Variants in COBLL1 observed in about 807,000 individuals in gnomAD.
COBLL1 encodes the protein cordon-bleu WH2 repeat protein like 1.
In COBLL1, 50 loss-of-function variants were observed where a neutral mutation model predicts 94.8. That is an observed-to-expected ratio of 0.53 (90% CI 0.42 to 0.67). COBLL1 has a LOEUF of 0.67. COBLL1 is among the 30% of genes least tolerant of loss of function. COBLL1 has a pLI of 0.00. For missense variants in COBLL1, 1,362 were observed against 1,348.7 expected (o/e 1.01, Z -0.15); for synonymous variants, 448 against 473.8 (o/e 0.95, Z 0.71).
chr2:164,808,589 C>T (rs867989220), intron 2 of COBLL1, among the ~76,000 whole-genome samples: 1 of 152,104 alleles, frequency 6.6e-6, no homozygotes, highest in South Asian at 2.1e-4. Flanking sequence ...CTGTTAGTGT[C>T]TTTTAAGAAA....
intron 2 of COBLL1, among the ~76,000 whole-genome samples, chr2:164,750,946 T>C (rs1687095476): frequency 2.6e-5 from 4 of 152,180 alleles, no homozygotes; most frequent in African/African-American, 9.7e-5. Context: ...AGCGCCCCTC[T>C]TGTTACTCCC....
chr2:164,820,725 C>G (rs995567243), intron 2 of COBLL1, among the ~76,000 whole-genome samples: 1 of 152,186 alleles, frequency 6.6e-6, no homozygotes, highest in East Asian at 1.9e-4. Flanking sequence ...TGCATGATCA[C>G]ACCTTCTTCC....
intron 2 of COBLL1, among the ~76,000 whole-genome samples, chr2:164,757,638 T>C (rs1687477845): frequency 6.6e-6 from 1 of 151,942 alleles, no homozygotes; most frequent in South Asian, 2.1e-4. Context: ...TGGGAAAATA[T>C]AACTACAAAG....
At chr2:164,726,544 C>A (rs977979408) in intron 5 of COBLL1, among the ~76,000 whole-genome samples, 3 of 152,028 alleles carry the variant, frequency 2.0e-5, no homozygotes, top group Non-Finnish European at 4.4e-5. Flanking sequence ...AACCCTACCA[C>A]CCAAAGGTAA....
intron 2 of COBLL1, among the ~76,000 whole-genome samples, chr2:164,830,157 CTG>C (rs1231138942): frequency 6.6e-6 from 1 of 152,216 alleles, no homozygotes; most frequent in African/African-American, 2.4e-5. Flanking sequence ...GCTTCCTAAA[CTG>C]TACTTCTTGG....
At chr2:164,672,614 G>A (rs1691260370) in intron 1 of COBLL1, among the ~76,000 whole-genome samples, 1 of 150,540 alleles carries the variant, frequency 6.6e-6, no homozygotes, top group Admixed American at 6.6e-5. Flanking sequence ...CAGGAGAATG[G>A]CGTGAACCCG....
At chr2:164,774,160 T>C (rs1165715971) in intron 2 of COBLL1, among the ~76,000 whole-genome samples, 1 of 152,140 alleles carries the variant, frequency 6.6e-6, no homozygotes, top group Non-Finnish European at 1.5e-5. Flanking sequence ...TGTAGGATGA[T>C]AGTTTGAAGA....
At chr2:164,672,239 A>G (rs1691253112) in intron 1 of COBLL1, among the ~76,000 whole-genome samples, 1 of 152,188 alleles carries the variant, frequency 6.6e-6, no homozygotes, top group African/African-American at 2.4e-5. Context: ...TTTAAATGTG[A>G]CTTACTTGGC....
rs1207752278 is a variant in COBLL1 at position 164,681,502 on chromosome 2, C to G, written c.*4444G>C. The G allele has an allele frequency of 6.6e-6, 1 of 152,182 alleles. No individual in the cohort carries two copies. Among genetic ancestry groups the G allele is most frequent in the East Asian group, 1.9e-4 (1 of 5,182 alleles). 9.4% of individuals were successfully genotyped at this position (152,182 alleles called of 1,614,324 possible). On this transcript the variant is annotated 3_prime_UTR_variant, in exon 14 of 14. Transcript: ENST00000652658. ...ATGGGTGGGAGAGGGGGCTCTGCCT[C>G]TTTAATGAGAGGAGCTGCAAAGTCA... is the stretch of plus-strand genomic sequence containing the variant.
chr2:164,713,321 A>C (rs972511020), intron 7 of COBLL1, among the ~76,000 whole-genome samples: 4 of 152,144 alleles, frequency 2.6e-5, no homozygotes, highest in Admixed American at 2.6e-4. Context: ...AGACAACTAT[A>C]ATAACGAGAG....
At chr2:164,738,769 C>T (rs79914110) in intron 3 of COBLL1, among the ~76,000 whole-genome samples, 9,520 of 152,100 alleles carry the variant, frequency 0.063, 376 homozygotes, top group African/African-American at 0.12. Flanking sequence ...TTGAGCATCT[C>T]TAATCTGGAA....
chr2:164,665,601 T>C (rs567999961), intron 2 of COBLL1, among the ~76,000 whole-genome samples: 1 of 152,320 alleles, frequency 6.6e-6, no homozygotes, highest in South Asian at 2.1e-4. Flanking sequence ...ATAGTTGATA[T>C]TCCTGTTTTA....
At chr2:164,734,351 T>A (rs1417359706) in intron 3 of COBLL1, among the ~76,000 whole-genome samples, 1 of 152,150 alleles carries the variant, frequency 6.6e-6, no homozygotes, top group Non-Finnish European at 1.5e-5. Flanking sequence ...GGCAGGAATG[T>A]GCTCTAAGTG....
chr2:164,725,134 A>ATATATATATAT (rs1558956185), intron 5 of COBLL1: 60 of 55,310 alleles, frequency 1.1e-3, no homozygotes, highest in African/African-American at 1.9e-3. Context: ...ATATATATAT[A>ATATATATATAT]AAATGAAAGC....
At chr2:164,824,146 C>G (rs1685317578) in intron 2 of COBLL1, among the ~76,000 whole-genome samples, 1 of 152,106 alleles carries the variant, frequency 6.6e-6, no homozygotes, top group African/African-American at 2.4e-5. Context: ...CTTTGGGAGG[C>G]CAAGGCTGGT....
At chr2:164,760,642 C>T (rs150821870) in intron 2 of COBLL1, among the ~76,000 whole-genome samples, 8 of 152,184 alleles carry the variant, frequency 5.3e-5, no homozygotes, top group African/African-American at 1.9e-4. Flanking sequence ...AACATACTAC[C>T]ATTATATATG....
upstream of COBLL1, chr2:164,842,007 G>A (rs762301637): frequency 6.5e-5 from 100 of 1,539,824 alleles, no homozygotes; most frequent in Admixed American, 9.8e-5. Flanking sequence ...CGCCTCTGCA[G>A]CACGGCCGCA....
chr2:164,785,382 G>C lies in COBLL1; in HGVS notation c.42-41507C>G, dbSNP rs149913160. ...TCAGCCTGAGCAACAGAGTGAGACT[G>C]GTCTGTGATGGTCCCAGATAGTCAC... On this transcript the variant is annotated intron_variant, in intron 2 of 13. Transcript: ENST00000652658. Among the ~76,000 whole-genome samples, 768 of 152,194 alleles carry C rather than the reference G, an allele frequency of 5.0e-3. 6 individuals carry two copies. Among genetic ancestry groups the C allele is most frequent in the African/African-American group, 0.017 (721 of 41,526 alleles).
intron 9 of COBLL1, among the ~76,000 whole-genome samples, chr2:164,703,902 G>A (rs921366193): frequency 2.0e-5 from 3 of 152,118 alleles, no homozygotes; most frequent in African/African-American, 7.2e-5. Flanking sequence ...CACTGGAAAA[G>A]TATTACTATA....
Sources: gnomAD v4.1 joint callset for allele counts (sites outside exome capture counted in the v4.1 genomes callset) on GRCh38, gnomAD v4.1.1 for gene constraint, MANE v1.5 for transcripts, NCBI Gene and HGNC (gene_info 2026-07-23, HGNC 2026-07-21) for gene names.